SHOC1: variants seen among roughly 807,000 people sequenced by gnomAD.
SHOC1 encodes the protein protein shortage in chiasmata 1 ortholog.
Under a neutral mutation model 179.2 loss-of-function variants are expected in SHOC1, and 136 were observed. That is an observed-to-expected ratio of 0.76 (90% CI 0.66 to 0.87). SHOC1 has a LOEUF of 0.87. Among genes scored for constraint, SHOC1 ranks in the 40% least tolerant of loss-of-function variants. The pLI is 0.00. For missense variants in SHOC1, 1,538 were observed against 1,700.8 expected (o/e 0.90, Z 1.68); for synonymous variants, 489 against 586.6 (o/e 0.83, Z 2.41).
chr9:111,722,525 A>C lies in SHOC1; in HGVS notation c.2015T>G (p.Leu672Arg). ...EAAASPILKN[L>R]VSLCTLPTAN... is the part of the protein sequence containing the mutation. ...AGTAGGGAGGGTACACAAGGATACA[A>C]GGTTTTTTAAGATAGGAGAAGCTGC... is the stretch of plus-strand genomic sequence containing the variant. The change falls in exon 15 of 28, where the codon CTT (leucine) becomes CGT (arginine). Residue 672 changes from leucine to arginine, a missense_variant. Physicochemically the swap from Leu to Arg is moderately radical, Grantham distance 102. Transcript: ENST00000682961. 1 of 1,609,888 alleles carries C rather than the reference A, an allele frequency of 6.2e-7. No individual in the cohort carries two copies. Among genetic ancestry groups the C allele is most frequent in the Middle Eastern group, 1.7e-4 (1 of 6,048 alleles).
chr9:111,750,015 T>C (rs1377645849), intron 8 of SHOC1, among the ~76,000 whole-genome samples: 2 of 152,196 alleles, frequency 1.3e-5, no homozygotes, highest in Non-Finnish European at 2.9e-5. Flanking sequence ...AATAGGATAA[T>C]TTATATTCCT....
intron 2 of SHOC1, 69 bp from the exon 3 acceptor site, chr9:111,786,104 A>G (rs1179472417): frequency 2.6e-5 from 28 of 1,064,266 alleles, no homozygotes; most frequent in Non-Finnish European, 3.5e-5. Flanking sequence ...AATATATTAA[A>G]ATTCTCTATA....
chr9:111,690,222 G>A (rs1478953297), intron 27 of SHOC1, among the ~76,000 whole-genome samples: 1 of 152,086 alleles, frequency 6.6e-6, no homozygotes, highest in Non-Finnish European at 1.5e-5. Flanking sequence ...CGAGGAGTTC[G>A]AGATCAGCCT....
intron 23 of SHOC1, among the ~76,000 whole-genome samples, 187 bp downstream of exon 23, chr9:111,701,918 C>A (rs1564108711): frequency 6.6e-6 from 1 of 151,960 alleles, no homozygotes; most frequent in African/African-American, 2.4e-5. Flanking sequence ...CACAGAATGT[C>A]CAGGGAAACG....
At position 111,704,001 on chromosome 9, in the gene SHOC1, T is replaced by A. The variant is rs1224612439; in HGVS notation, c.2856-9A>T. 2 of 1,418,324 alleles carry A rather than the reference T, an allele frequency of 1.4e-6. No homozygotes were observed. Among genetic ancestry groups the A allele is most frequent in the Admixed American group, 3.7e-5 (2 of 54,420 alleles). The allele number at this position is 1,418,324 out of a possible 1,614,324, so 87.9% of individuals were successfully genotyped here. A position where few individuals can be genotyped will look rare whatever the true frequency, so the allele number is the denominator to read the frequency against. On this transcript the variant is annotated splice_polypyrimidine_tract_variant and intron_variant, in intron 21 of 27. Coordinates refer to ENST00000682961, the MANE Select transcript of SHOC1 (RefSeq NM_001378211.1). ...CTAGTGAGATGTTATAGCTGTAAAA[T>A]ACAATATTCTTGAGTGAAAAAATGA...
rs776708975 is a variant in SHOC1 at position 111,713,109 on chromosome 9, T to C, written c.2479A>G (p.Lys827Glu). The change falls in exon 18 of 28, where the codon AAA (lysine) becomes GAA (glutamate). Residue 827 changes from lysine (K) to glutamate (E), a missense_variant. Lys to Glu is a moderately conservative substitution (Grantham distance 56). Coordinates refer to ENST00000682961, the MANE Select transcript of SHOC1 (RefSeq NM_001378211.1). Reference protein sequence around the residue: ...EKHFLIKILNKIEGLTLTVLH... With the variant: ...EKHFLIKILNEIEGLTLTVLH... The stretch of plus-strand genomic sequence containing the variant: ...ATTTAAAACTGCCTACCTTCTATTT[T>C]GTTAAGAATTTTAATGAGAAAATGT... 1 of 1,559,908 alleles carries C rather than the reference T, an allele frequency of 6.4e-7. No homozygotes were observed. Among genetic ancestry groups the C allele is most frequent in the Non-Finnish European group, 8.8e-7 (1 of 1,135,206 alleles).
chr9:111,780,906 A>G (rs1257775782), intron 4 of SHOC1, 24 bp downstream of exon 4: 3 of 1,558,138 alleles, frequency 1.9e-6, no homozygotes, highest in South Asian at 1.1e-5. Context: ...TGTAAAAGAG[A>G]AATTTGAGAT....
chr9:111,754,665 C>A (rs974438921), intron 8 of SHOC1, among the ~76,000 whole-genome samples: 1 of 152,014 alleles, frequency 6.6e-6, no homozygotes, highest in African/African-American at 2.4e-5. Context: ...CATGAATGTT[C>A]ATAGCAGGAT....
chr9:111,789,841 AT>A (rs1564173380), intron 2 of SHOC1, among the ~76,000 whole-genome samples: 1 of 152,218 alleles, frequency 6.6e-6, no homozygotes, highest in African/African-American at 2.4e-5. Flanking sequence ...GATTCCTACC[AT>A]GGATATCTTT....
chr9:111,758,677 G>C lies in SHOC1; in HGVS notation c.596+18C>G, dbSNP rs1834990207. ...ACCTCTTAAAAATATTTACAGCATTGGTCAATTAAGTAAGTACCTGGAAAA... is the reference window on the plus strand; with the variant it reads ...ACCTCTTAAAAATATTTACAGCATTCGTCAATTAAGTAAGTACCTGGAAAA... On this transcript the variant is annotated intron_variant, in intron 6 of 27. Coordinates refer to ENST00000682961, the MANE Select transcript of SHOC1 (RefSeq NM_001378211.1). 1.3e-6 allele frequency: 2 copies of C among 1,553,124 alleles called. No homozygotes were observed. Among genetic ancestry groups the C allele is most frequent in the Non-Finnish European group, 1.7e-6 (2 of 1,154,968 alleles).
chr9:111,702,359 T>C, intron 22 of SHOC1, 133 bp from the exon 23 acceptor site: 1 of 599,978 alleles, frequency 1.7e-6, no homozygotes, highest in East Asian at 3.5e-5. Flanking sequence ...CCCCATTTCA[T>C]GGAAAAATTA....
intron 8 of SHOC1, among the ~76,000 whole-genome samples, chr9:111,752,332 T>G (rs1374063910): frequency 6.6e-6 from 1 of 152,208 alleles, no homozygotes; most frequent in East Asian, 1.9e-4. Flanking sequence ...GAACTACACA[T>G]GTATGGGGCA....
chr9:111,763,618 TA>T (rs1157196387), intron 5 of SHOC1, among the ~76,000 whole-genome samples: 2 of 152,052 alleles, frequency 1.3e-5, no homozygotes, highest in African/African-American at 2.4e-5. Flanking sequence ...TATGGAAGAT[TA>T]AAAAAAATTT....
chr9:111,753,518 CA>C (rs1323879167), intron 8 of SHOC1, among the ~76,000 whole-genome samples: 5 of 151,824 alleles, frequency 3.3e-5, no homozygotes, highest in African/African-American at 1.2e-4. Context: ...CATGATTATT[CA>C]ATAAAAAATA....
At chr9:111,716,484 G>A (rs370458442) in intron 16 of SHOC1, among the ~76,000 whole-genome samples, 4 of 148,420 alleles carry the variant, frequency 2.7e-5, no homozygotes, top group Admixed American at 6.8e-5. Flanking sequence ...TGTGCCTCGC[G>A]GGTTCAAGTG....
chr9:111,787,234 A>C (rs1188624529), intron 2 of SHOC1, among the ~76,000 whole-genome samples: 3 of 152,240 alleles, frequency 2.0e-5, no homozygotes, highest in Non-Finnish European at 2.9e-5. Flanking sequence ...TTCAACTTTA[A>C]GGTCTTATAG....
chr9:111,766,642 G>A (rs1044411997), intron 5 of SHOC1, among the ~76,000 whole-genome samples: 6 of 151,688 alleles, frequency 4.0e-5, no homozygotes, highest in East Asian at 3.9e-4. Flanking sequence ...ATGGAGTTTC[G>A]CTCCTGTTGC....
chr9:111,776,354 T>C (rs1214547869), intron 4 of SHOC1, among the ~76,000 whole-genome samples: 1 of 152,252 alleles, frequency 6.6e-6, no homozygotes, highest in African/African-American at 2.4e-5. Flanking sequence ...TTATAATTGC[T>C]TGCTATTATA....
chr9:111,793,820 A>AGATGAT (rs200119496), intron 1 of SHOC1, among the ~76,000 whole-genome samples: 4 of 151,798 alleles, frequency 2.6e-5, no homozygotes, highest in Admixed American at 6.6e-5. Context: ...AGCTTTCCCA[A>AGATGAT]GATGATGATG....
Sources: gnomAD v4.1 joint callset for allele counts (sites outside exome capture counted in the v4.1 genomes callset) on GRCh38, gnomAD v4.1.1 for gene constraint, MANE v1.5 for transcripts, NCBI Gene and HGNC (gene_info 2026-07-23, HGNC 2026-07-21) for gene names.